Variants in VPS13B observed in about 807,000 individuals in gnomAD.
VPS13B encodes the protein vacuolar protein sorting 13 homolog B.
Under a neutral mutation model 426.4 loss-of-function variants are expected in VPS13B, and 285 were observed. The ratio of observed to expected loss-of-function variants is 0.67; its 90% confidence interval spans 0.61 to 0.74. The LOEUF (loss-of-function observed/expected upper bound fraction) is 0.74. Ranked by LOEUF, VPS13B falls within the 30% of genes least tolerant of loss-of-function variation. The pLI, the probability that VPS13B is intolerant of heterozygous loss-of-function variation, is 0.00. For synonymous variants in VPS13B, 1,676 were observed against 1,676.4 expected, an observed-to-expected ratio of 1.00 and a Z score of 0.01; for missense variants, 4,537 against 4,782.6, an observed-to-expected ratio of 0.95 and a Z score of 1.51.
chr8:99,273,010 A>T (rs28567883), intron 17 of VPS13B, among the ~76,000 whole-genome samples: 1 of 152,156 alleles, frequency 6.6e-6, no homozygotes, highest in African/African-American at 2.4e-5. Context: ...TAAGTATATA[A>T]TACAAATATT....
At chr8:99,522,692 T>C (rs1230364031) in intron 30 of VPS13B, among the ~76,000 whole-genome samples, 1 of 152,188 alleles carries the variant, frequency 6.6e-6, no homozygotes, top group Non-Finnish European at 1.5e-5. Context: ...GTTAGCAATA[T>C]GTGTTAGAAT....
chr8:99,853,372 G>A (rs1816387101), intron 55 of VPS13B, 79 bp from the exon 56 acceptor site: 1 of 1,447,664 alleles, frequency 6.9e-7, no homozygotes, highest in Non-Finnish European at 9.7e-7. Flanking sequence ...ATTTAATAGG[G>A]TACTGTCAAT....
intron 19 of VPS13B, among the ~76,000 whole-genome samples, chr8:99,327,372 G>A (rs1464757054): frequency 6.6e-6 from 1 of 152,146 alleles, no homozygotes; most frequent in African/African-American, 2.4e-5. Flanking sequence ...TAGATTTAAT[G>A]TATTAATAAT....
chr8:99,379,734 C>A (rs1349377189), intron 19 of VPS13B, among the ~76,000 whole-genome samples: 1 of 152,042 alleles, frequency 6.6e-6, no homozygotes, highest in East Asian at 1.9e-4. Flanking sequence ...AGTCTTCTTT[C>A]TTCGTGTAAT....
chr8:99,817,395 CT>C, intron 44 of VPS13B, 144 bp from the exon 45 acceptor site: 1 of 1,119,158 alleles, frequency 8.9e-7, no homozygotes, highest in Non-Finnish European at 1.2e-6. Context: ...GACTTCAAGT[CT>C]TTTTTCCTTC....
rs1273685753 is a variant in VPS13B at position 99,382,162 on chromosome 8, T to C, written c.2825-2046T>C. Among the ~76,000 whole-genome samples the C allele has an allele frequency of 2.0e-5, 3 of 152,140 alleles. 1 individual carries two copies. On this transcript the variant is annotated intron_variant, in intron 19 of 61. Transcript: ENST00000357162. Reference sequence around the variant, plus strand: ...GGTGTGTGGTCTTTTTTCTTGGCTGTCTATTCTGTTCCATTGGTTTATGTG... The same window carrying C: ...GGTGTGTGGTCTTTTTTCTTGGCTGCCTATTCTGTTCCATTGGTTTATGTG...
At chr8:99,169,168 T>C (rs1286292453) in intron 15 of VPS13B, among the ~76,000 whole-genome samples, 1 of 151,992 alleles carries the variant, frequency 6.6e-6, no homozygotes, top group Non-Finnish European at 1.5e-5. Flanking sequence ...TAAAAAACAG[T>C]AACTAAAGAT....
At chr8:99,492,316 G>A (rs1021573331) in intron 25 of VPS13B, among the ~76,000 whole-genome samples, 2 of 152,174 alleles carry the variant, frequency 1.3e-5, no homozygotes, top group African/African-American at 2.4e-5. Context: ...CAGGCTACAC[G>A]GGCGTCAGGG....
intron 43 of VPS13B, 124 bp downstream of exon 43, chr8:99,784,600 C>G (rs1812172165): frequency 5.4e-6 from 7 of 1,301,914 alleles, no homozygotes; most frequent in Non-Finnish European, 7.6e-6. Context: ...AGCGTAGCTA[C>G]ATCTGACGGA....
At chr8:99,122,878 C>T (rs563591282) in intron 8 of VPS13B, among the ~76,000 whole-genome samples, 7 of 151,742 alleles carry the variant, frequency 4.6e-5, no homozygotes, top group East Asian at 1.9e-4. Context: ...TTTGGGAGGC[C>T]GAGGCGGCCA....
At chr8:99,548,637 A>G (rs1588484962) in intron 30 of VPS13B, among the ~76,000 whole-genome samples, 2 of 152,114 alleles carry the variant, frequency 1.3e-5, no homozygotes, top group African/African-American at 2.4e-5. Flanking sequence ...TTAATATTTC[A>G]TAATAACCGA....
intron 21 of VPS13B, among the ~76,000 whole-genome samples, chr8:99,427,674 G>A (rs1296849029): frequency 4.6e-5 from 7 of 151,864 alleles, no homozygotes; most frequent in African/African-American, 9.7e-5. Flanking sequence ...ATGCTCATGG[G>A]TAGGAAGAAT....
chr8:99,808,553 C>G (rs1430157061), intron 43 of VPS13B, among the ~76,000 whole-genome samples: 1 of 147,882 alleles, frequency 6.8e-6, no homozygotes, highest in East Asian at 2.0e-4. Flanking sequence ...CTTGTACTTA[C>G]AAATCATAGA....
At chr8:99,246,452 A>C (rs1426719588) in intron 17 of VPS13B, among the ~76,000 whole-genome samples, 1 of 152,222 alleles carries the variant, frequency 6.6e-6, no homozygotes, top group Non-Finnish European at 1.5e-5. Flanking sequence ...TTGGCTGGTT[A>C]GTTATTATCA....
chr8:99,410,947 T>A (rs1815617587), intron 21 of VPS13B, among the ~76,000 whole-genome samples: 1 of 152,230 alleles, frequency 6.6e-6, no homozygotes, highest in Non-Finnish European at 1.5e-5. Flanking sequence ...CCACATTTTC[T>A]TAATCCAGTC....
At chr8:99,372,837 T>A (rs183263737) in intron 19 of VPS13B, among the ~76,000 whole-genome samples, 52 of 152,320 alleles carry the variant, frequency 3.4e-4, no homozygotes, top group African/African-American at 1.2e-3. Flanking sequence ...GGATTATGAA[T>A]CATTCTACTA....
intron 17 of VPS13B, among the ~76,000 whole-genome samples, chr8:99,266,860 C>T (rs929396872): frequency 6.6e-6 from 1 of 152,162 alleles, no homozygotes; most frequent in African/African-American, 2.4e-5. Context: ...AACTGTGAGT[C>T]AATCAAACCT....
intron 34 of VPS13B, among the ~76,000 whole-genome samples, chr8:99,645,842 A>G (rs1260376232): frequency 6.6e-6 from 1 of 152,350 alleles, no homozygotes; most frequent in East Asian, 1.9e-4. Context: ...CCCATTACCA[A>G]TTTGGCTATC....
At chr8:99,585,081 T>G (rs1189053821) in intron 33 of VPS13B, among the ~76,000 whole-genome samples, 1 of 152,154 alleles carries the variant, frequency 6.6e-6, no homozygotes, top group Non-Finnish European at 1.5e-5. Flanking sequence ...TACATTAAAT[T>G]TGCCATCAAT....
Sources: allele counts gnomAD v4.1 joint callset (sites outside exome capture counted in the v4.1 genomes callset), GRCh38; gene constraint gnomAD v4.1.1; transcripts MANE v1.5; gene names NCBI Gene and HGNC (gene_info 2026-07-23, HGNC 2026-07-21).